Variants in STIM2 observed in about 807,000 individuals in gnomAD.
The protein encoded by STIM2 is stromal interaction molecule 2.
STIM2 carries 31 observed loss-of-function variants against 85.8 expected under a neutral mutation model. The ratio of observed to expected loss-of-function variants is 0.36; its 90% CI spans 0.27 to 0.49. The LOEUF is 0.49. Ranked by LOEUF, STIM2 falls within the 20% of genes least tolerant of loss-of-function variation. The pLI is 0.98. For synonymous variants in STIM2, 356 were observed against 331.1 expected (o/e 1.08, Z -0.82); for missense variants, 841 against 927.6 (o/e 0.91, Z 1.21).
At chr4:27,016,793 G>A (rs1292690602) in intron 10 of STIM2, among the ~76,000 whole-genome samples, 4 of 152,190 alleles carry the variant, frequency 2.6e-5, no homozygotes, top group Non-Finnish European at 4.4e-5. Flanking sequence ...GCTGATGATG[G>A]GTTGTAAGGG....
chr4:26,987,593 T>C (rs1727626557), intron 3 of STIM2, among the ~76,000 whole-genome samples: 1 of 152,176 alleles, frequency 6.6e-6, no homozygotes, highest in Admixed American at 6.5e-5. Context: ...ATGCTGCAGT[T>C]CTGAATCTCC....
intron 2 of STIM2, among the ~76,000 whole-genome samples, chr4:26,932,506 A>G (rs1313783535): frequency 6.6e-6 from 1 of 152,218 alleles, no homozygotes; most frequent in Non-Finnish European, 1.5e-5. Flanking sequence ...CATTTTAGCA[A>G]TTGATAAATT....
chr4:26,934,674 G>A (rs1725328862), intron 2 of STIM2, among the ~76,000 whole-genome samples: 1 of 152,204 alleles, frequency 6.6e-6, no homozygotes, highest in Non-Finnish European at 1.5e-5. Flanking sequence ...AGCACTTCGG[G>A]AGGCCGAGGT....
At chr4:26,905,506 TTGGA>T (rs2109055362) in intron 1 of STIM2, among the ~76,000 whole-genome samples, 2 of 152,166 alleles carry the variant, frequency 1.3e-5, no homozygotes, top group South Asian at 4.2e-4. Flanking sequence ...TTTCCTGAAG[TTGGA>T]TGGATGTGTG....
chr4:26,883,659 A>G (rs1373370291), intron 1 of STIM2, among the ~76,000 whole-genome samples: 1 of 152,232 alleles, frequency 6.6e-6, no homozygotes, highest in African/African-American at 2.4e-5. Flanking sequence ...ATAGAATTGT[A>G]TAATTAAAAT....
chr4:26,917,681 T>TA (rs1417818690), intron 1 of STIM2, among the ~76,000 whole-genome samples: 3 of 152,186 alleles, frequency 2.0e-5, no homozygotes, highest in African/African-American at 7.2e-5. Flanking sequence ...TGACTCCTCT[T>TA]AGAGACTTTC....
Position 26,861,328 on chromosome 4 carries a change from C to G in STIM2, c.110C>G (p.Ser37Cys). Residue 37 changes from serine (S) to cysteine (C), a missense_variant, in exon 1 of 12, where the codon TCT becomes TGT. Transcript: ENST00000467087. ...GGCTCTGCCGCAACTGCCGCCTCCTCTCCCGCCGCGGCGGCCGGCGATAGC... is the reference window on the plus strand; with the variant it reads ...GGCTCTGCCGCAACTGCCGCCTCCTGTCCCGCCGCGGCGGCCGGCGATAGC... 4 of 1,386,490 alleles carry G rather than the reference C, an allele frequency of 2.9e-6. No individual in the cohort carries two copies. The highest frequency in any genetic ancestry group is 3.7e-6 in the Non-Finnish European group (4 of 1,075,220). The allele number at this position is 1,386,490 out of a possible 1,614,324, so 85.9% of individuals were successfully genotyped here. A position where few individuals can be genotyped will look rare whatever the true frequency, so the allele number is the denominator to read the frequency against.
chr4:26,976,895 C>T (rs981714901), intron 3 of STIM2, among the ~76,000 whole-genome samples: 1 of 152,144 alleles, frequency 6.6e-6, no homozygotes, highest in African/African-American at 2.4e-5. Flanking sequence ...AGATATTCTT[C>T]CCTGATGGAG....
chr4:26,976,672 T>A (rs1407449339), intron 3 of STIM2, among the ~76,000 whole-genome samples: 1 of 151,902 alleles, frequency 6.6e-6, no homozygotes, highest in Non-Finnish European at 1.5e-5. Context: ...CTGGGTGTGG[T>A]GCGCACCTGT....
At chr4:26,921,347 C>T (rs775597701) in intron 2 of STIM2, among the ~76,000 whole-genome samples, 40 of 152,150 alleles carry the variant, frequency 2.6e-4, no homozygotes, top group Non-Finnish European at 3.7e-4. Flanking sequence ...AAATTTCTAT[C>T]GTGGTAAGCC....
chr4:27,001,022 G>T (rs1728132050), intron 5 of STIM2, among the ~76,000 whole-genome samples: 1 of 152,158 alleles, frequency 6.6e-6, no homozygotes, highest in South Asian at 2.1e-4. Flanking sequence ...AGGTGGAAGG[G>T]TGAAGGTGTA....
rs1159656766 is a variant in STIM2, at chr4:27,002,259, C to T, written c.668C>T (p.Ser223Phe). The change falls in exon 6 of 12, where the codon TCT (serine) becomes TTT (phenylalanine). Residue 223 changes from serine to phenylalanine, a missense_variant. Ser to Phe is a radical substitution (Grantham distance 155). Transcript: ENST00000467087. ...ATGAAAGATTTTATCCTCACAGTTT[C>T]TATAGTAATTGGTGTTGGAGGCTGC... is the stretch of plus-strand genomic sequence containing the variant. The T allele has an allele frequency of 1.2e-6, 2 of 1,612,688 alleles. No individual in the cohort carries two copies. The highest frequency in any genetic ancestry group is 2.2e-5 in the East Asian group (1 of 44,818).
intron 1 of STIM2, among the ~76,000 whole-genome samples, chr4:26,912,420 C>CT (rs1724380124): frequency 6.6e-6 from 1 of 152,172 alleles, no homozygotes; most frequent in African/African-American, 2.4e-5. Flanking sequence ...AGCTTCATTT[C>CT]TTTCTTAAGC....
At chr4:26,892,726 C>T (rs1404846395) in intron 1 of STIM2, among the ~76,000 whole-genome samples, 1 of 152,072 alleles carries the variant, frequency 6.6e-6, no homozygotes, top group Non-Finnish European at 1.5e-5. Flanking sequence ...ATCAAGGTCT[C>T]TGGATTAAAT....
At chr4:26,972,672 G>T (rs777902310) in intron 3 of STIM2, among the ~76,000 whole-genome samples, 7 of 152,178 alleles carry the variant, frequency 4.6e-5, no homozygotes, top group Non-Finnish European at 8.8e-5. Flanking sequence ...TTACATCGTT[G>T]TTGATCAGGG....
At chr4:27,017,487 G>A (rs1478581006) in intron 10 of STIM2, among the ~76,000 whole-genome samples, 1 of 149,756 alleles carries the variant, frequency 6.7e-6, no homozygotes, top group Non-Finnish European at 1.5e-5. Context: ...TCATGTTTAT[G>A]TTCACTTCTG....
At chr4:26,918,228 C>CTTTTTTTTTTTTT (rs367780616) in intron 1 of STIM2, among the ~76,000 whole-genome samples, 1 of 130,546 alleles carries the variant, frequency 7.7e-6, no homozygotes, top group African/African-American at 2.8e-5. Flanking sequence ...ATCAGTTTGA[C>CTTTTTTTTTTTTT]TTTTTTTTTT....
chr4:27,014,777 TC>T (rs1406874492), intron 10 of STIM2, among the ~76,000 whole-genome samples: 1 of 152,012 alleles, frequency 6.6e-6, no homozygotes, highest in African/African-American at 2.4e-5. Flanking sequence ...TGTTAAAATC[TC>T]CCATGGTGGT....
intron 7 of STIM2, among the ~76,000 whole-genome samples, chr4:27,003,594 A>G (rs1728232351): frequency 6.6e-6 from 1 of 152,072 alleles, no homozygotes; most frequent in Non-Finnish European, 1.5e-5. Flanking sequence ...GCATTTAGGC[A>G]TTGCACGGAG....
Sources: gnomAD v4.1 joint callset for allele counts (sites outside exome capture counted in the v4.1 genomes callset) on GRCh38, gnomAD v4.1.1 for gene constraint, MANE v1.5 for transcripts, NCBI Gene and HGNC (gene_info 2026-07-23, HGNC 2026-07-21) for gene names.